ATRNL1: variants seen among roughly 807,000 people sequenced by gnomAD.
ATRNL1 encodes the protein attractin like 1, also known as attractin-like protein 1.
Under a neutral mutation model 182.7 loss-of-function variants are expected in ATRNL1, and 95 were observed. That is an observed-to-expected ratio of 0.52 (90% CI 0.44 to 0.62). The LOEUF (loss-of-function observed/expected upper bound fraction) is 0.62. ATRNL1 is among the 20% of genes least tolerant of loss of function. ATRNL1 has a pLI of 0.00. For missense variants in ATRNL1, 1,471 were observed against 1,679.5 expected (o/e 0.88, Z 2.17); for synonymous variants, 576 against 568.3 (o/e 1.01, Z -0.19).
At chr10:115,165,938 T>G (rs1847019375) in intron 7 of ATRNL1, among the ~76,000 whole-genome samples, 1 of 152,110 alleles carries the variant, frequency 6.6e-6, no homozygotes, top group Admixed American at 6.6e-5. Context: ...ATTTACCATT[T>G]TAACTATTTT....
chr10:115,103,887 G>T (rs1843889087), intron 1 of ATRNL1, among the ~76,000 whole-genome samples: 1 of 152,102 alleles, frequency 6.6e-6, no homozygotes, highest in African/African-American at 2.4e-5. Context: ...TCTTTTTTAT[G>T]GCTGAATAGT....
chr10:115,633,249 A>T (rs79905957), intron 26 of ATRNL1, among the ~76,000 whole-genome samples: 3,410 of 152,234 alleles, frequency 0.022, 120 homozygotes, highest in African/African-American at 0.078. Flanking sequence ...CTTGCCCATT[A>T]TTCACTGCAA....
chr10:115,227,234 A>G (rs78002546), intron 9 of ATRNL1, among the ~76,000 whole-genome samples: 3 of 152,136 alleles, frequency 2.0e-5, no homozygotes, highest in African/African-American at 7.2e-5. Flanking sequence ...CAAAAGACAA[A>G]TAACCCCATT....
intron 26 of ATRNL1, among the ~76,000 whole-genome samples, chr10:115,710,244 C>T (rs1454929069): frequency 1.3e-5 from 2 of 152,064 alleles, no homozygotes; most frequent in South Asian, 2.1e-4. Flanking sequence ...ATGTGATAGT[C>T]CTGACATGGA....
At chr10:115,264,979 G>A (rs1322612710) in intron 10 of ATRNL1, among the ~76,000 whole-genome samples, 8 of 151,416 alleles carry the variant, frequency 5.3e-5, no homozygotes, top group African/African-American at 1.7e-4. Flanking sequence ...AAAATTATTT[G>A]TGAGAATTCT....
At chr10:115,149,876 CT>C (rs57382865) in intron 5 of ATRNL1, among the ~76,000 whole-genome samples, 1,503 of 123,232 alleles carry the variant, frequency 0.012, 15 homozygotes, top group Non-Finnish European at 0.017. Flanking sequence ...TCTCCTTTTC[CT>C]TTTTTTTTTT....
At chr10:115,528,222 A>ATGTT (rs10700196) in intron 25 of ATRNL1, among the ~76,000 whole-genome samples, 107,118 of 151,138 alleles carry the variant, frequency 0.71, 39,137 homozygotes, top group African/African-American at 0.82. Context: ...TATTTTTTAA[A>ATGTT]TGGGTAGAAT....
chr10:115,577,603 T>C (rs996241087), intron 26 of ATRNL1, among the ~76,000 whole-genome samples: 15 of 135,336 alleles, frequency 1.1e-4, no homozygotes, highest in Admixed American at 1.6e-4. Flanking sequence ...TTATTTGTTC[T>C]AACAGGTTGT....
Position 115,919,570 on chromosome 10 carries a change from A to G in ATRNL1, c.4019-25088A>G, listed in dbSNP as rs573351624. ...ATAAAATGATGATGAAGGTATTAAC[A>G]TTCTGTGCTATAGATGCCATACTGA... On this transcript the variant is annotated intron_variant, in intron 28 of 28. Coordinates refer to ENST00000355044, the MANE Select transcript of ATRNL1 (RefSeq NM_207303.4). Among the ~76,000 whole-genome samples, 78 of 152,300 alleles carry G rather than the reference A, an allele frequency of 5.1e-4. 3 individuals are homozygous for G. The South Asian group carries it at 0.016, about 30-fold the overall frequency.
chr10:115,549,208 A>G (rs1554994796), intron 25 of ATRNL1, among the ~76,000 whole-genome samples: 2 of 152,094 alleles, frequency 1.3e-5, no homozygotes, highest in East Asian at 1.9e-4. Context: ...ATAAATTTAC[A>G]TTCCTTCTGA....
rs143303651 is a variant in ATRNL1, at chr10:115,266,379, T to C, written c.1773-418T>C. 3.7e-3 allele frequency among the ~76,000 whole-genome samples: 560 copies of C among 151,846 alleles called. 2 individuals carry two copies. The highest frequency in any genetic ancestry group is 0.013 in the African/African-American group (540 of 41,544). ...AAGTTATAATTCTAGATAGCAGTTCTAAAGTGTGTCTTGTCCATGTATAGC... is the reference window on the plus strand; with the variant it reads ...AAGTTATAATTCTAGATAGCAGTTCCAAAGTGTGTCTTGTCCATGTATAGC... On this transcript the variant is annotated intron_variant, in intron 11 of 28. Coordinates refer to ENST00000355044, the MANE Select transcript of ATRNL1 (RefSeq NM_207303.4).
At chr10:115,796,752 T>C (rs1187946872) in intron 27 of ATRNL1, among the ~76,000 whole-genome samples, 4 of 152,226 alleles carry the variant, frequency 2.6e-5, no homozygotes, top group African/African-American at 9.6e-5. Context: ...AAGAGGATCT[T>C]TCTGAAAAAA....
At chr10:115,213,194 G>A (rs1291113959) in intron 8 of ATRNL1, among the ~76,000 whole-genome samples, 2 of 151,914 alleles carry the variant, frequency 1.3e-5, no homozygotes, top group African/African-American at 2.4e-5. Flanking sequence ...TACATTTTGG[G>A]TTTCATAGTG....
intron 9 of ATRNL1, among the ~76,000 whole-genome samples, chr10:115,238,401 T>G (rs1850273869): frequency 6.6e-6 from 1 of 152,184 alleles, no homozygotes; most frequent in Non-Finnish European, 1.5e-5. Flanking sequence ...ATCTCTTTAT[T>G]TATTTAGATT....
At chr10:115,928,357 A>G (rs1295367143) in intron 28 of ATRNL1, among the ~76,000 whole-genome samples, 1 of 152,060 alleles carries the variant, frequency 6.6e-6, no homozygotes, top group Admixed American at 6.6e-5. Flanking sequence ...AAGCTAACTG[A>G]TTTAATGTTA....
chr10:115,174,419 T>C (rs1726281979), intron 8 of ATRNL1, among the ~76,000 whole-genome samples: 1 of 151,906 alleles, frequency 6.6e-6, no homozygotes, highest in Non-Finnish European at 1.5e-5. Context: ...TAAGCAATAC[T>C]CTTATTCTTT....
At chr10:115,418,671 A>G (rs1554961327) in intron 20 of ATRNL1, among the ~76,000 whole-genome samples, 1 of 152,204 alleles carries the variant, frequency 6.6e-6, no homozygotes, top group Non-Finnish European at 1.5e-5. Flanking sequence ...AAGATCAATG[A>G]CTAAGAGAGG....
chr10:115,230,150 A>C (rs1331765770), intron 9 of ATRNL1, among the ~76,000 whole-genome samples: 1 of 152,174 alleles, frequency 6.6e-6, no homozygotes, highest in Non-Finnish European at 1.5e-5. Flanking sequence ...CTTTCTTCAG[A>C]GATCTTTAAA....
chr10:115,805,785 A>G (rs888745517), intron 27 of ATRNL1, among the ~76,000 whole-genome samples: 4 of 152,148 alleles, frequency 2.6e-5, no homozygotes, highest in African/African-American at 9.7e-5. Flanking sequence ...ATGGACCTAG[A>G]TTCTAAAAAT....
Sources: gnomAD v4.1 joint callset for allele counts (sites outside exome capture counted in the v4.1 genomes callset) on GRCh38, gnomAD v4.1.1 for gene constraint, MANE v1.5 for transcripts, NCBI Gene and HGNC (gene_info 2026-07-23, HGNC 2026-07-21) for gene names.